CELSR3: variants seen among roughly 807,000 people sequenced by gnomAD.
The protein encoded by CELSR3 is EGF-like protein 1.
Under a neutral mutation model 270.0 loss-of-function variants are expected in CELSR3, and 73 were observed. The ratio of observed to expected loss-of-function variants is 0.27; its 90% confidence interval spans 0.22 to 0.33. CELSR3 has a LOEUF of 0.33. CELSR3 is among the 10% of genes least tolerant of loss of function. The pLI, the probability that CELSR3 is intolerant of heterozygous loss-of-function variation, is 1.00. For missense variants in CELSR3, 3,614 were observed against 4,533.8 expected (o/e 0.80, Z 5.83); for synonymous variants, 1,780 against 1,905.4 (o/e 0.93, Z 1.71).
In CELSR3 at chr3:48,651,786, G is replaced by C; in HGVS notation, c.5924-68C>G. 1.3e-6 allele frequency: 2 copies of C among 1,536,322 alleles called. No homozygotes were observed. The highest frequency in any genetic ancestry group is 1.7e-6 in the Non-Finnish European group (2 of 1,144,320). On this transcript the variant is annotated intron_variant, in intron 12 of 34. Transcript: ENST00000164024. This position sits in a 1 kb window ranked among gnomAD's most constrained non-coding sequence, Gnocchi z 7.4. ...ATGGAAGGAAGCAGGCACCCGTCCC[G>C]AGTCCCTGCCTCCTTCAGGTTCCCC... is the stretch of plus-strand genomic sequence containing the variant.
Position 48,638,972 on chromosome 3 carries a change from C to G in CELSR3, c.9911+702G>C, listed in dbSNP as rs547498062. Among the ~76,000 whole-genome samples the G allele has an allele frequency of 6.6e-5, 10 of 151,352 alleles. No individual in the cohort carries two copies. In the East Asian group the frequency reaches 2.0e-3, roughly 30 times the overall value. ...TGTTTCTCCTCCTTGAAACTCAACTCTCCTCTTGGCTTACAAGAGACCTGG... is the reference window on the plus strand; with the variant it reads ...TGTTTCTCCTCCTTGAAACTCAACTGTCCTCTTGGCTTACAAGAGACCTGG... On this transcript the variant is annotated intron_variant, in intron 34 of 34. Transcript: ENST00000164024.
Position 48,642,556 on chromosome 3 carries a change from C to T in CELSR3, c.8556-89G>A, listed in dbSNP as rs991086621. Reference sequence around the variant, plus strand: ...GTGTCTTTGAGTGCACAGCCAGCTGCGGGTGGAATGGCATCCCTGGGTGTG... The same window carrying T: ...GTGTCTTTGAGTGCACAGCCAGCTGTGGGTGGAATGGCATCCCTGGGTGTG... On this transcript the variant is annotated intron_variant, in intron 30 of 34. Transcript: ENST00000164024. This position sits in a 1 kb window ranked among gnomAD's most constrained non-coding sequence, Gnocchi z 6.1. 2.5e-5 allele frequency: 37 copies of T among 1,456,966 alleles called. No individual in the cohort carries two copies. The highest frequency in any genetic ancestry group is 1.5e-4 in the African/African-American group (11 of 71,398). The allele number at this position is 1,456,966 out of a possible 1,614,324, so 90.3% of individuals were successfully genotyped here.
chr3:48,645,701 T>G lies in CELSR3; in HGVS notation c.7590+41A>C, dbSNP rs1272586473. 1 of 1,600,356 alleles carries G rather than the reference T, an allele frequency of 6.2e-7. No individual in the cohort carries two copies. The highest frequency in any genetic ancestry group is 2.2e-5 in the East Asian group (1 of 44,446). ...TTGTTGGGCAGAATCCCCGTGTCCC[T>G]TTGACCCCCCACTTCCTTGGGACAC... On this transcript the variant is annotated intron_variant, in intron 23 of 34. Transcript: ENST00000164024. The surrounding 1 kb of genome is among the most constrained non-coding windows in gnomAD (Gnocchi z 5.4).
rs773115748 is a variant in CELSR3, at chr3:48,646,867, G to T, written c.7191C>A (p.Ala2397=). The T allele has an allele frequency of 6.3e-7, 1 of 1,591,466 alleles. No homozygotes were observed. Among genetic ancestry groups the T allele is most frequent in the East Asian group, 2.3e-5 (1 of 43,400 alleles). Reference sequence around the variant, plus strand: ...AGATCCCAGGCTCTGGCTCTGGCGGGGCTGGTGGGGGGACCACACTTGAGG... The same window carrying T: ...AGATCCCAGGCTCTGGCTCTGGCGGTGCTGGTGGGGGGACCACACTTGAGG... ...STTSSVVPPP[A]PPEPEPGISI... Residue 2397 remains alanine, a synonymous_variant, in exon 21 of 35, where the codon GCC becomes GCA. Transcript: ENST00000164024. This position sits in a 1 kb window ranked among gnomAD's most constrained non-coding sequence, Gnocchi z 4.8.
Position 48,654,401 on chromosome 3 carries a change from G to C in CELSR3, c.5040C>G (p.Pro1680=). Residue 1680 remains proline (P), a synonymous_variant, in exon 7 of 35, where the codon CCC becomes CCG. Coordinates refer to ENST00000164024, the MANE Select transcript of CELSR3 (RefSeq NM_001407.3). The surrounding 1 kb of genome is among the most constrained non-coding windows in gnomAD (Gnocchi z 5.4). ...CCTTATGGGATACGGGGAAGTTCTC[G>C]GGGAGGTTGGGGACACCTCCCAGAA... ...PLLLGGVPNL[P]ENFPVSHKDF... is the part of the protein sequence containing the mutation. 1 of 1,608,168 alleles carries C rather than the reference G, an allele frequency of 6.2e-7. No individual in the cohort carries two copies. The highest frequency in any genetic ancestry group is 8.5e-7 in the Non-Finnish European group (1 of 1,175,330).
chr3:48,653,517 G>A lies in CELSR3; in HGVS notation c.5448+102C>T. The stretch of plus-strand genomic sequence containing the variant: ...GGGTCAAGTGTGGTTGGGACACCTG[G>A]CAGAAAAGTATGCTGTGTGACCAAC... On this transcript the variant is annotated intron_variant, in intron 9 of 34. Transcript: ENST00000164024. The surrounding 1 kb of genome is among the most constrained non-coding windows in gnomAD (Gnocchi z 6.5). The A allele has an allele frequency of 7.2e-7, 1 of 1,393,556 alleles. No individual in the cohort carries two copies. Among genetic ancestry groups the A allele is most frequent in the Non-Finnish European group, 9.9e-7 (1 of 1,006,732 alleles). The allele number at this position is 1,393,556 out of a possible 1,614,324, so 86.3% of individuals were successfully genotyped here. A position where few individuals can be genotyped will look rare whatever the true frequency, so the allele number is the denominator to read the frequency against.
In CELSR3 at chr3:48,653,602, G is replaced by T; in HGVS notation, c.5448+17C>A. ...GACTGAGAACTGAGGGTATAGGGGTGAGCAGGGTGGACACACCTGGCAAAG... is the reference window on the plus strand; with the variant it reads ...GACTGAGAACTGAGGGTATAGGGGTTAGCAGGGTGGACACACCTGGCAAAG... On this transcript the variant is annotated intron_variant, in intron 9 of 34. Coordinates refer to ENST00000164024, the MANE Select transcript of CELSR3 (RefSeq NM_001407.3). The surrounding 1 kb of genome is among the most constrained non-coding windows in gnomAD (Gnocchi z 6.5). 1 of 1,612,224 alleles carries T rather than the reference G, an allele frequency of 6.2e-7. No individual in the cohort carries two copies. The highest frequency in any genetic ancestry group is 8.5e-7 in the Non-Finnish European group (1 of 1,178,870).
rs751532813 is a variant in CELSR3, at chr3:48,662,030, G to T, written c.605C>A (p.Ala202Glu). The T allele has an allele frequency of 1.9e-6, 3 of 1,614,132 alleles. No individual in the cohort carries two copies. The highest frequency in any genetic ancestry group is 3.3e-5 in the Admixed American group (2 of 60,030). Residue 202 changes from alanine (A) to glutamate (E), a missense_variant, in exon 1 of 35, where the codon GCG becomes GAG. Ala to Glu is a moderately radical substitution (Grantham distance 107). This residue lies in a region of CELSR3 where 470 missense variants were observed against 469.7 expected (regional missense o/e 1.00). Transcript: ENST00000164024. This position sits in a 1 kb window ranked among gnomAD's most constrained non-coding sequence, Gnocchi z 7.1. ...TGCCCATAATTCCCCACAGCAGCGC[G>T]CGGTGCCCACTCTTTTGCGGGAGCC... ...GTGSRKRVGT[A>E]RCCGELWATG... is the part of the protein sequence containing the mutation.
At position 48,653,568 on chromosome 3, in the gene CELSR3, G is replaced by A. The variant is rs374640799; in HGVS notation, c.5448+51C>T. The A allele has an allele frequency of 2.0e-4, 319 of 1,581,024 alleles. No individual in the cohort carries two copies. Among genetic ancestry groups the A allele is most frequent in the African/African-American group, 1.1e-3 (85 of 74,450 alleles). ...CTGAACCCACAAGAATGTCAGTGGC[G>A]GCCTAAGAGACTGAGAACTGAGGGT... On this transcript the variant is annotated intron_variant, in intron 9 of 34. Transcript: ENST00000164024. The surrounding 1 kb of genome is among the most constrained non-coding windows in gnomAD (Gnocchi z 6.5).
chr3:48,661,430 C>G lies in CELSR3; in HGVS notation c.1205G>C (p.Arg402Pro), dbSNP rs1223230491. ...DRESMERHYL[R>P]VTAQDHGSPR... Reference sequence around the variant, plus strand: ...CGACCCGTGGTCCTGCGCGGTCACACGCAGGTAGTGACGCTCCATGCTCTC... The same window carrying G: ...CGACCCGTGGTCCTGCGCGGTCACAGGCAGGTAGTGACGCTCCATGCTCTC... Residue 402 changes from arginine to proline, a missense_variant, in exon 1 of 35, where the codon CGT becomes CCT. By Grantham distance (103) the Arg-to-Pro change is moderately radical. Transcript: ENST00000164024. The G allele has an allele frequency of 6.2e-7, 1 of 1,611,704 alleles. No homozygotes were observed.
At position 48,655,182 on chromosome 3, in the gene CELSR3, C is replaced by G; in HGVS notation, c.4850G>C (p.Gly1617Ala). ...YYNKPRTDALGGAQGPSKDKV... is the reference protein window; with the variant it reads ...YYNKPRTDALAGAQGPSKDKV... Reference sequence around the variant, plus strand: ...GTCCTTGGAGGGGCCCTGTGCACCCCCTAGGGCATCTGTCCGGGGCTGAAG... The same window carrying G: ...GTCCTTGGAGGGGCCCTGTGCACCCGCTAGGGCATCTGTCCGGGGCTGAAG... The change falls in exon 6 of 35, where the codon GGG becomes GCG. Residue 1617 changes from glycine to alanine, a missense_variant. This residue lies in a region of CELSR3 where 1,331 missense variants were observed against 1,933.7 expected (regional missense o/e 0.69). Coordinates refer to ENST00000164024, the MANE Select transcript of CELSR3 (RefSeq NM_001407.3). The surrounding 1 kb of genome is among the most constrained non-coding windows in gnomAD (Gnocchi z 5.8). The G allele has an allele frequency of 6.2e-7, 1 of 1,613,898 alleles. No homozygotes were observed. The highest frequency in any genetic ancestry group is 1.1e-5 in the South Asian group (1 of 91,080).
Position 48,658,949 on chromosome 3 carries a change from C to A in CELSR3, c.3686G>T (p.Arg1229Leu). 6.2e-7 allele frequency: 1 copy of A among 1,614,144 alleles called. No individual in the cohort carries two copies. The highest frequency in any genetic ancestry group is 8.5e-7 in the Non-Finnish European group (1 of 1,180,028). ...GTTATTGTCTAGCTTTCGGCTGAGT[C>A]GCAGCTCCCCACTGGTCTGGTTGAC... is the stretch of plus-strand genomic sequence containing the variant. ...LVVNQTSGEL[R>L]LSRKLDNNRP... The change falls in exon 1 of 35, where the codon CGA (arginine) becomes CTA (leucine). Residue 1229 changes from arginine to leucine, a missense_variant. Around this residue, in one of 7 missense-constraint regions of CELSR3, gnomAD observed 1,331 missense variants for 1,933.7 expected, o/e 0.69. Transcript: ENST00000164024. The surrounding 1 kb of genome is among the most constrained non-coding windows in gnomAD (Gnocchi z 4.7).
chr3:48,642,550 C>T lies in CELSR3; in HGVS notation c.8556-83G>A, dbSNP rs2047037556. 2.7e-6 allele frequency: 4 copies of T among 1,477,942 alleles called. No individual in the cohort carries two copies. The highest frequency in any genetic ancestry group is 2.0e-5 in the Admixed American group (1 of 50,522). 91.6% of individuals were successfully genotyped at this position (1,477,942 alleles called of 1,614,324 possible). A position where few individuals can be genotyped will look rare whatever the true frequency, so the allele number is the denominator to read the frequency against. On this transcript the variant is annotated intron_variant, in intron 30 of 34. Transcript: ENST00000164024. The surrounding 1 kb of genome is among the most constrained non-coding windows in gnomAD (Gnocchi z 6.1). ...GCTGGAGTGTCTTTGAGTGCACAGC[C>T]AGCTGCGGGTGGAATGGCATCCCTG...
At chr3:48,643,718 G>A (rs560748980) in intron 27 of CELSR3, 41 bp from the exon 28 acceptor site, 5 of 1,548,144 alleles carry the variant, frequency 3.2e-6, no homozygotes, top group Non-Finnish European at 4.4e-6. Context: ...GACATGCAAG[G>A]CTCATGTAGG....
At chr3:48,649,287 C>T in intron 16 of CELSR3, 72 bp from the exon 17 acceptor site, 1 of 1,205,030 alleles carries the variant, frequency 8.3e-7, no homozygotes, top group Non-Finnish European at 1.2e-6. Context: ...GCAGCACCCT[C>T]TCCTATGCTG....
chr3:48,657,090 C>A lies in CELSR3; in HGVS notation c.4007G>T (p.Arg1336Leu). The change falls in exon 2 of 35, where the codon CGT (arginine) becomes CTT (leucine). Residue 1336 changes from arginine (R) to leucine (L), a missense_variant. Physicochemically the swap from Arg to Leu is moderately radical, Grantham distance 102. Around this residue, in one of 7 missense-constraint regions of CELSR3, gnomAD observed 1,331 missense variants for 1,933.7 expected, o/e 0.69. Coordinates refer to ENST00000164024, the MANE Select transcript of CELSR3 (RefSeq NM_001407.3). The surrounding 1 kb of genome is among the most constrained non-coding windows in gnomAD (Gnocchi z 5.4). ...CCCTGCAGCGCCCGCCCCGGCCCCA[C>A]GTGGAGCTAGCGCCGAGAAACTCAC... is the stretch of plus-strand genomic sequence containing the variant. ...LNVSFSALAP[R>L]GAGAGAAGPW... is the part of the protein sequence containing the mutation. The A allele has an allele frequency of 6.2e-7, 1 of 1,613,932 alleles. No homozygotes were observed. Among genetic ancestry groups the A allele is most frequent in the Non-Finnish European group, 8.5e-7 (1 of 1,179,970 alleles).
In CELSR3 at chr3:48,640,196, T is replaced by G; in HGVS notation, c.9389A>C (p.Tyr3130Ser). The stretch of plus-strand genomic sequence containing the variant: ...GAAGCGGCCAGCCATGGCGCCAGGG[T>G]AGTCCCGAGGTGGCTGCCTCCGTGG... ...TLPRRQPPRD[Y>S]PGAMAGRFGS... The change falls in exon 34 of 35, where the codon TAC becomes TCC. Residue 3130 changes from tyrosine to serine, a missense_variant. This residue lies in a region of CELSR3 where 1,240 missense variants were observed against 1,351.7 expected (regional missense o/e 0.92). Transcript: ENST00000164024. The surrounding 1 kb of genome is among the most constrained non-coding windows in gnomAD (Gnocchi z 7.5). 6.2e-7 allele frequency: 1 copy of G among 1,612,702 alleles called. No homozygotes were observed. Among genetic ancestry groups the G allele is most frequent in the Non-Finnish European group, 8.5e-7 (1 of 1,179,940 alleles).
rs1215225407 is a variant in CELSR3 at position 48,641,046 on chromosome 3, A to G, written c.9025+278T>C. On this transcript the variant is annotated intron_variant, in intron 33 of 34. Transcript: ENST00000164024. This position sits in a 1 kb window ranked among gnomAD's most constrained non-coding sequence, Gnocchi z 4.8. ...GGGATCTGGGTGGGGGGCAGGGGGA[A>G]GCAGCTCCTAGGGTCTCTGAAAAAC... 48 of 463,144 alleles carry G rather than the reference A, an allele frequency of 1.0e-4. No homozygotes were observed. The highest frequency in any genetic ancestry group is 3.5e-5 in the Non-Finnish European group (9 of 260,044). 28.7% of individuals were successfully genotyped at this position (463,144 alleles called of 1,614,324 possible). A position where few individuals can be genotyped will look rare whatever the true frequency, so the allele number is the denominator to read the frequency against.
At position 48,652,046 on chromosome 3, in the gene CELSR3, C is replaced by G. The variant is rs1218409565; in HGVS notation, c.5754G>C (p.Gly1918=). ...APQGLVGCIQ[G]VWLGSTPSGS... ...CAGAGGGTGTGGAGCCGAGCCACAC[C>G]CCCTGTGGACACACAGCCAGCAAGG... The change falls in exon 12 of 35, where the codon GGG becomes GGC. Residue 1918 remains glycine (G), a splice_region_variant and synonymous_variant. Transcript: ENST00000164024. The surrounding 1 kb of genome is among the most constrained non-coding windows in gnomAD (Gnocchi z 4.3). 1 of 1,535,538 alleles carries G rather than the reference C, an allele frequency of 6.5e-7. No homozygotes were observed. The highest frequency in any genetic ancestry group is 8.7e-7 in the Non-Finnish European group (1 of 1,146,110).
Sources: allele counts gnomAD v4.1 joint callset (sites outside exome capture counted in the v4.1 genomes callset), GRCh38; gene constraint gnomAD v4.1.1; regional missense constraint gnomAD v4.1.1; non-coding constraint Gnocchi (gnomAD v3.1); transcripts MANE v1.5; gene names NCBI Gene and HGNC (gene_info 2026-07-23, HGNC 2026-07-21).